The following MAP2K5 variants were observed in gnomAD, a reference collection of about 807,000 sequenced individuals.
MAP2K5 encodes the protein dual specificity mitogen-activated protein kinase kinase 5.
In MAP2K5, 49 loss-of-function variants were observed where a neutral mutation model predicts 83.1. That is an observed-to-expected ratio of 0.59 (90% confidence interval 0.47 to 0.75). MAP2K5 has a LOEUF of 0.75. MAP2K5 is among the 30% of genes least tolerant of loss of function. The pLI is 0.00. For synonymous variants in MAP2K5, 202 were observed against 191.8 expected, an observed-to-expected ratio of 1.05 and a Z score of -0.44; for missense variants, 457 against 557.5, an observed-to-expected ratio of 0.82 and a Z score of 1.82.
chr15:67,608,442 A>ACT (rs2085830293), intron 8 of MAP2K5, among the ~76,000 whole-genome samples: 3 of 152,138 alleles, frequency 2.0e-5, no homozygotes, highest in Non-Finnish European at 4.4e-5. Context: ...GCCTCATAAA[A>ACT]CTTGTGTCTG....
At chr15:67,805,681 C>G (rs2090789885) in intron 21 of MAP2K5, among the ~76,000 whole-genome samples, 1 of 152,230 alleles carries the variant, frequency 6.6e-6, no homozygotes, top group African/African-American at 2.4e-5. Context: ...TCATCTCCCC[C>G]ATTCTCTGTC....
At chr15:67,596,178 A>G (rs548842499) in intron 7 of MAP2K5, among the ~76,000 whole-genome samples, 4 of 152,286 alleles carry the variant, frequency 2.6e-5, no homozygotes, top group African/African-American at 9.6e-5. Flanking sequence ...TCATGCCTGT[A>G]ATCCCAGCAC....
intron 9 of MAP2K5, among the ~76,000 whole-genome samples, chr15:67,634,765 T>G (rs79243144): frequency 1.8e-4 from 26 of 148,290 alleles, no homozygotes; most frequent in Non-Finnish European, 3.3e-4. Flanking sequence ...TAGCATGATA[T>G]TTTTTTTTTT....
chr15:67,711,294 C>T (rs1006786815), intron 16 of MAP2K5, among the ~76,000 whole-genome samples: 24 of 152,210 alleles, frequency 1.6e-4, no homozygotes, highest in African/African-American at 5.3e-4. Flanking sequence ...TATAAATGCC[C>T]GTAAGTGTTT....
intron 8 of MAP2K5, among the ~76,000 whole-genome samples, chr15:67,624,064 G>A (rs1162167088): frequency 2.0e-5 from 3 of 151,044 alleles, no homozygotes; most frequent in South Asian, 2.1e-4. Context: ...GCTAGGCCGG[G>A]CGCAGTGGCT....
intron 19 of MAP2K5, among the ~76,000 whole-genome samples, chr15:67,752,116 A>C (rs1311409249): frequency 6.6e-6 from 1 of 151,852 alleles, no homozygotes; most frequent in African/African-American, 2.4e-5. Flanking sequence ...CCCAGGCTGG[A>C]GTGGAGTGGC....
At chr15:67,798,893 G>A (rs1164883476) in intron 21 of MAP2K5, among the ~76,000 whole-genome samples, 3 of 152,164 alleles carry the variant, frequency 2.0e-5, no homozygotes, top group South Asian at 2.1e-4. Context: ...CAAGACAGCC[G>A]GGCACGGTGG....
chr15:67,687,279 A>G (rs545942907), intron 13 of MAP2K5, among the ~76,000 whole-genome samples: 1 of 152,336 alleles, frequency 6.6e-6, no homozygotes, highest in South Asian at 2.1e-4. Context: ...CTGGTTCAAT[A>G]AGTCTGGAGT....
At chr15:67,673,705 T>G (rs1400305863) in intron 13 of MAP2K5, among the ~76,000 whole-genome samples, 1 of 152,212 alleles carries the variant, frequency 6.6e-6, no homozygotes, top group Non-Finnish European at 1.5e-5. Flanking sequence ...TTTTAATGAT[T>G]TATTAAAAGA....
At chr15:67,732,848 G>A (rs956018783) in intron 17 of MAP2K5, among the ~76,000 whole-genome samples, 10 of 152,036 alleles carry the variant, frequency 6.6e-5, no homozygotes, top group Non-Finnish European at 1.0e-4. Flanking sequence ...TCTGCGCCAG[G>A]CTTTTCACTG....
At chr15:67,549,926 T>C in intron 1 of MAP2K5, 108 bp from the exon 2 acceptor site, 1 of 793,186 alleles carries the variant, frequency 1.3e-6, no homozygotes, top group South Asian at 1.5e-5. Flanking sequence ...TAGTTTATGC[T>C]AACGTTTCAA....
At chr15:67,553,880 TC>T (rs2084565199) in intron 2 of MAP2K5, among the ~76,000 whole-genome samples, 1 of 115,526 alleles carries the variant, frequency 8.7e-6, no homozygotes, top group East Asian at 2.8e-4. Context: ...GCCACTGCAG[TC>T]CGCAGTCCGG....
At chr15:67,628,630 G>A (rs1225170731) in intron 8 of MAP2K5, 6 of 1,156,338 alleles carry the variant, frequency 5.2e-6, no homozygotes, top group Admixed American at 3.4e-5. Flanking sequence ...AACCTTTGAC[G>A]ACCATGACTC....
rs2090092484 is a variant in MAP2K5, at chr15:67,768,906, GTTGT to G, written c.1135-690_1135-687del. 6.6e-6 allele frequency among the ~76,000 whole-genome samples: 1 copy of G among 152,226 alleles called. No individual in the cohort carries two copies. Among genetic ancestry groups the G allele is most frequent in the African/African-American group, 2.4e-5 (1 of 41,452 alleles). ...TTGCTCTTTGTATTATGTGGTGGTG[GTTGT>G]TTGTTGCTGTGTAGTTTTCTGCTTT... On this transcript the variant is annotated intron_variant, in intron 19 of 21. Transcript: ENST00000178640. This position sits in a 1 kb window ranked among gnomAD's most constrained non-coding sequence, Gnocchi z 4.0.
rs1166402229 is a variant in MAP2K5 at position 67,543,449 on chromosome 15, G to A, written c.114G>A (p.Gln38=). The A allele has an allele frequency of 6.2e-7, 1 of 1,614,060 alleles. No individual in the cohort carries two copies. The highest frequency in any genetic ancestry group is 1.3e-5 in the African/African-American group (1 of 74,930). ...AVDWTVHSGP[Q]LLFRDVLDVI... ...ACTGGACAGTGCACTCCGGGCCGCA[G>A]TTACTCTTCAGGGATGTGCTGGTGA... The change falls in exon 1 of 22, where the codon CAG becomes CAA. Residue 38 remains glutamine (Q), a synonymous_variant. Coordinates refer to ENST00000178640, the MANE Select transcript of MAP2K5 (RefSeq NM_145160.3). The surrounding 1 kb of genome is among the most constrained non-coding windows in gnomAD (Gnocchi z 4.3).
At chr15:67,582,287 C>T (rs2085195705) in intron 4 of MAP2K5, among the ~76,000 whole-genome samples, 1 of 152,116 alleles carries the variant, frequency 6.6e-6, no homozygotes, top group Admixed American at 6.5e-5. Context: ...GTCTTGATCT[C>T]CTGACCTCAT....
At chr15:67,667,283 G>A (rs1245945304) in intron 13 of MAP2K5, among the ~76,000 whole-genome samples, 3 of 152,114 alleles carry the variant, frequency 2.0e-5, no homozygotes, top group Non-Finnish European at 4.4e-5. Context: ...GTTCAATCAG[G>A]CAATTAAAGA....
intron 21 of MAP2K5, among the ~76,000 whole-genome samples, chr15:67,803,872 C>T (rs964268153): frequency 1.3e-5 from 2 of 152,200 alleles, no homozygotes; most frequent in Admixed American, 1.3e-4. Flanking sequence ...CCAGGAAGAG[C>T]CCAGGGCAGT....
chr15:67,543,240 C>T lies in MAP2K5; in HGVS notation c.-96C>T, dbSNP rs182735669. The T allele has an allele frequency of 4.3e-3, 5,450 of 1,281,998 alleles. 22 individuals carry two copies. Among genetic ancestry groups the T allele is most frequent in the Non-Finnish European group, 5.1e-3 (4,529 of 889,788 alleles). The allele number at this position is 1,281,998 out of a possible 1,614,324, so 79.4% of individuals were successfully genotyped here. ...TTCCCTTGTTTTCACCCTCTGTCCT[C>T]TGCCCGTCACTCCCCTTGTCACCTC... On this transcript the variant is annotated 5_prime_UTR_variant, in exon 1 of 22. Coordinates refer to ENST00000178640, the MANE Select transcript of MAP2K5 (RefSeq NM_145160.3). This position sits in a 1 kb window ranked among gnomAD's most constrained non-coding sequence, Gnocchi z 4.3.
Sources: allele counts gnomAD v4.1 joint callset (sites outside exome capture counted in the v4.1 genomes callset), GRCh38; gene constraint gnomAD v4.1.1; non-coding constraint Gnocchi (gnomAD v3.1); transcripts MANE v1.5; gene names NCBI Gene and HGNC (gene_info 2026-07-23, HGNC 2026-07-21).